Variants in ZMYM4 observed in about 807,000 individuals in gnomAD.
ZMYM4 encodes the protein zinc finger MYM-type protein 4.
In ZMYM4, 31 loss-of-function variants were observed where a neutral mutation model predicts 183.2. The observed-to-expected ratio is 0.17, with a 90% CI of 0.13 to 0.23. The LOEUF is 0.23. Ranked by LOEUF, ZMYM4 falls within the 10% of genes least tolerant of loss-of-function variation. ZMYM4 has a pLI of 1.00. For synonymous variants in ZMYM4, 592 were observed against 631.2 expected (o/e 0.94, Z 0.93); for missense variants, 1,273 against 1,840.3 (o/e 0.69, Z 5.64).
At chr1:35,353,132 A>G (rs550927480) in intron 2 of ZMYM4, among the ~76,000 whole-genome samples, 1 of 152,272 alleles carries the variant, frequency 6.6e-6, no homozygotes, top group East Asian at 1.9e-4. Context: ...CCCGCATCTC[A>G]TATACGTATC....
intron 1 of ZMYM4, among the ~76,000 whole-genome samples, chr1:35,322,951 A>G (rs1001240861): frequency 6.7e-6 from 1 of 148,590 alleles, no homozygotes; most frequent in African/African-American, 2.5e-5. Context: ...CGGCCTCCCA[A>G]AGTGCTAGGA....
intron 4 of ZMYM4, 40 bp downstream of exon 4, chr1:35,361,295 CA>C (rs754524972): frequency 1.3e-6 from 2 of 1,542,252 alleles, no homozygotes; most frequent in Admixed American, 4.1e-5. Flanking sequence ...GTAACTGTGA[CA>C]AGTGTCAAAG....
chr1:35,330,983 C>T (rs1395431501), intron 2 of ZMYM4, among the ~76,000 whole-genome samples: 1 of 152,150 alleles, frequency 6.6e-6, no homozygotes, highest in Non-Finnish European at 1.5e-5. Context: ...TGTGGAGCAT[C>T]AGCATCAGTT....
At chr1:35,349,913 TTTTG>T (rs560097552) in intron 2 of ZMYM4, among the ~76,000 whole-genome samples, 27 of 151,444 alleles carry the variant, frequency 1.8e-4, no homozygotes, top group Admixed American at 1.7e-3. Flanking sequence ...ATCACCTTGT[TTTTG>T]TTTTTCATTT....
chr1:35,286,375 C>T (rs949574969), intron 1 of ZMYM4, among the ~76,000 whole-genome samples: 6 of 152,046 alleles, frequency 3.9e-5, no homozygotes, highest in Non-Finnish European at 7.4e-5. Flanking sequence ...GATTCCTCCC[C>T]GTCCGCCAAA....
intron 29 of ZMYM4, 61 bp from the exon 30 acceptor site, chr1:35,419,409 T>C (rs1640245899): frequency 6.4e-7 from 1 of 1,565,740 alleles, no homozygotes; most frequent in Non-Finnish European, 8.7e-7. Flanking sequence ...TAGTACATAT[T>C]TCCTATACTC....
intron 10 of ZMYM4, 113 bp downstream of exon 10, chr1:35,385,705 A>G: frequency 4.8e-6 from 6 of 1,248,938 alleles, no homozygotes; most frequent in Non-Finnish European, 6.4e-6. Flanking sequence ...CATATTTCAG[A>G]TATTTGTTGT....
Position 35,421,611 on chromosome 1 carries a change from A to T in ZMYM4, c.*1934A>T, listed in dbSNP as rs1640327777. The T allele has an allele frequency of 6.6e-6, 1 of 152,230 alleles. No individual in the cohort carries two copies. The highest frequency in any genetic ancestry group is 2.1e-4 in the South Asian group (1 of 4,836). The allele number at this position is 152,230 out of a possible 1,614,324, so 9.4% of individuals were successfully genotyped here. A position where few individuals can be genotyped will look rare whatever the true frequency, so the allele number is the denominator to read the frequency against. On this transcript the variant is annotated 3_prime_UTR_variant, in exon 30 of 30. Coordinates refer to ENST00000314607, the MANE Select transcript of ZMYM4 (RefSeq NM_005095.3). The stretch of plus-strand genomic sequence containing the variant: ...TCTGTATCTTTTACTGAGAACACCC[A>T]ATACCCAGATAAATGACTGTATCAG...
chr1:35,283,597 A>G (rs902741835), intron 1 of ZMYM4, among the ~76,000 whole-genome samples: 8 of 151,872 alleles, frequency 5.3e-5, no homozygotes, highest in Non-Finnish European at 1.0e-4. Context: ...TCGGCCTCCC[A>G]AAGTGCTGGG....
intron 2 of ZMYM4, among the ~76,000 whole-genome samples, chr1:35,344,417 T>C (rs554684065): frequency 6.6e-6 from 1 of 152,222 alleles, no homozygotes; most frequent in South Asian, 2.1e-4. Context: ...ACTGTTTTTT[T>C]CAACTTAGGG....
At chr1:35,407,062 T>C (rs1402551936) in intron 25 of ZMYM4, among the ~76,000 whole-genome samples, 1 of 152,220 alleles carries the variant, frequency 6.6e-6, no homozygotes, top group Non-Finnish European at 1.5e-5. Flanking sequence ...GAATACTGTA[T>C]TCTAGCATTT....
chr1:35,382,963 A>G (rs980697297), intron 9 of ZMYM4, among the ~76,000 whole-genome samples: 8 of 152,304 alleles, frequency 5.3e-5, no homozygotes, highest in Admixed American at 6.5e-5. Flanking sequence ...TTGAAATCTG[A>G]TTCACAGAAT....
At chr1:35,405,820 A>T (rs1270699483) in intron 25 of ZMYM4, among the ~76,000 whole-genome samples, 1 of 150,772 alleles carries the variant, frequency 6.6e-6, no homozygotes, top group Non-Finnish European at 1.5e-5. Flanking sequence ...TAATGTAGGA[A>T]TTTTTCCTTA....
intron 2 of ZMYM4, among the ~76,000 whole-genome samples, chr1:35,344,702 TTA>T (rs1643331183): frequency 6.6e-6 from 1 of 152,196 alleles, no homozygotes; most frequent in South Asian, 2.1e-4. Context: ...ATTATTTGTT[TTA>T]TATGTTTCTA....
At chr1:35,380,448 C>T (rs1644430734) in intron 7 of ZMYM4, among the ~76,000 whole-genome samples, 1 of 152,130 alleles carries the variant, frequency 6.6e-6, no homozygotes, top group Non-Finnish European at 1.5e-5. Flanking sequence ...CTGCCTCAAC[C>T]TCCTGAGTAG....
intron 1 of ZMYM4, among the ~76,000 whole-genome samples, chr1:35,281,007 G>A (rs541028535): frequency 1.7e-4 from 26 of 152,102 alleles, no homozygotes; most frequent in Non-Finnish European, 2.6e-4. Flanking sequence ...ATCACAGGTC[G>A]GGTGCGATGG....
intron 2 of ZMYM4, among the ~76,000 whole-genome samples, chr1:35,356,720 C>T (rs1355010934): frequency 6.6e-6 from 1 of 152,146 alleles, no homozygotes; most frequent in Admixed American, 6.5e-5. Context: ...GCAATACCTA[C>T]CACAGAGTGG....
At chr1:35,396,502 G>C in intron 18 of ZMYM4, 50 bp from the exon 19 acceptor site, 1 of 1,599,708 alleles carries the variant, frequency 6.3e-7, no homozygotes, top group South Asian at 1.1e-5. Context: ...TCTTATGAAA[G>C]CATTTCTAAC....
At chr1:35,328,281 T>C (rs1450296399) in intron 2 of ZMYM4, among the ~76,000 whole-genome samples, 1 of 151,954 alleles carries the variant, frequency 6.6e-6, no homozygotes, top group Non-Finnish European at 1.5e-5. Context: ...TGTTTTATTC[T>C]TTATTTTAGT....
Sources: allele counts gnomAD v4.1 joint callset (sites outside exome capture counted in the v4.1 genomes callset), GRCh38; gene constraint gnomAD v4.1.1; transcripts MANE v1.5; gene names NCBI Gene and HGNC (gene_info 2026-07-23, HGNC 2026-07-21).